Variants in ZNF362 observed in about 807,000 individuals in gnomAD.
The protein encoded by ZNF362 is zinc finger protein 362.
Under a neutral mutation model 42.9 loss-of-function variants are expected in ZNF362, and 11 were observed. That is an observed-to-expected ratio of 0.26 (90% CI 0.16 to 0.42). The LOEUF (loss-of-function observed/expected upper bound fraction) is 0.42. Among genes scored for constraint, ZNF362 ranks in the 20% least tolerant of loss-of-function variants. The pLI, the probability that ZNF362 is intolerant of heterozygous loss-of-function variation, is 1.00. For missense variants in ZNF362, 362 were observed against 576.2 expected (o/e 0.63, Z 3.81); for synonymous variants, 255 against 257.3 (o/e 0.99, Z 0.09).
chr1:33,196,736 T>G, the ZNF362 span, among the ~76,000 whole-genome samples: 47 of 152,234 alleles, frequency 3.1e-4, no homozygotes, highest in African/African-American at 1.1e-3. Flanking sequence ...GTACTGTACA[T>G]AATTGTATGT....
the ZNF362 span, chr1:33,181,553 G>A: frequency 3.5e-6 from 5 of 1,418,596 alleles, no homozygotes; most frequent in African/African-American, 7.5e-5. The surrounding 1 kb of genome is among the most constrained non-coding windows in gnomAD (Gnocchi z 6.5). Flanking sequence ...GGCAGGGGTA[G>A]GAGCTACCGG....
At chr1:33,293,463 C>T (rs1646094406) in intron 6 of ZNF362, among the ~76,000 whole-genome samples, 1 of 152,202 alleles carries the variant, frequency 6.6e-6, no homozygotes, top group Admixed American at 6.5e-5. Flanking sequence ...TTACTCAACC[C>T]TGTGTCTCTA....
In ZNF362 at chr1:33,276,584, C is replaced by T. The variant is rs539936028; in HGVS notation, c.339C>T (p.Ser113=). The T allele has an allele frequency of 1.5e-6, 2 of 1,369,408 alleles. No homozygotes were observed. Among genetic ancestry groups the T allele is most frequent in the East Asian group, 3.1e-5 (1 of 32,218 alleles). 84.8% of individuals were successfully genotyped at this position (1,369,408 alleles called of 1,614,324 possible). A position where few individuals can be genotyped will look rare whatever the true frequency, so the allele number is the denominator to read the frequency against. ...CGCTGCACGCACGGCCGGCCACCAG[C>T]ACCGTCACAGGTAGGCCGAGCGGGC... ...DVALHARPAT[S]TVTGLGLSTR... Residue 113 remains serine (S), a synonymous_variant, in exon 4 of 9, where the codon AGC becomes AGT. Coordinates refer to ENST00000539719, the MANE Select transcript of ZNF362 (RefSeq NM_152493.3).
chr1:33,157,550 T>C, the ZNF362 span, among the ~76,000 whole-genome samples: 1 of 152,120 alleles, frequency 6.6e-6, no homozygotes, highest in African/African-American at 2.4e-5. Context: ...TTTGTCTACT[T>C]TCTATCTCAC....
intron 8 of ZNF362, among the ~76,000 whole-genome samples, chr1:33,295,624 T>G (rs1646117604): frequency 6.6e-6 from 1 of 152,012 alleles, no homozygotes; most frequent in Non-Finnish European, 1.5e-5. Context: ...GAGAAGCGCC[T>G]TCCTGTCACC....
chr1:33,158,513 T>C, the ZNF362 span: 5 of 642,272 alleles, frequency 7.8e-6, no homozygotes, highest in Non-Finnish European at 1.4e-5. Flanking sequence ...AGTGCCTGCT[T>C]GTGCTGCTTC....
the ZNF362 span, among the ~76,000 whole-genome samples, chr1:33,236,634 T>C: frequency 6.9e-6 from 1 of 144,882 alleles, no homozygotes; most frequent in Non-Finnish European, 1.5e-5. Flanking sequence ...TAATTTATGT[T>C]GTAGTTTAGT....
chr1:33,193,531 T>A, the ZNF362 span, among the ~76,000 whole-genome samples: 1 of 152,198 alleles, frequency 6.6e-6, no homozygotes, highest in South Asian at 2.1e-4. Flanking sequence ...ATAACCTGGA[T>A]AATTCACATG....
At chr1:33,207,400 G>A in the ZNF362 span, among the ~76,000 whole-genome samples, 718 of 152,146 alleles carry the variant, frequency 4.7e-3, 7 homozygotes, top group African/African-American at 0.016. Flanking sequence ...GAATAATGCC[G>A]CAATAAACAT....
rs76055455 is a variant in ZNF362, at chr1:33,261,932, C to G, written c.-89+5278C>G. ...GCTCAATGGGACAGTTACTTCTTCT[C>G]TAGTGCAGAAGCTACCCCTGTACAA... On this transcript the variant is annotated intron_variant, in intron 1 of 8. Coordinates refer to ENST00000539719, the MANE Select transcript of ZNF362 (RefSeq NM_152493.3). Among the ~76,000 whole-genome samples the G allele has an allele frequency of 1.9e-3, 283 of 152,322 alleles. 3 individuals are homozygous for G. The highest frequency in any genetic ancestry group is 6.8e-3 in the Middle Eastern group (2 of 294).
chr1:33,165,421 C>A, the ZNF362 span: 1 of 1,507,828 alleles, frequency 6.6e-7, no homozygotes, highest in Non-Finnish European at 9.0e-7. This position sits in a 1 kb window ranked among gnomAD's most constrained non-coding sequence, Gnocchi z 4.0. Flanking sequence ...CCCCTCGAAG[C>A]CCTGCCCTCA....
In ZNF362 at chr1:33,266,578, A is replaced by C. The variant is rs1308304617; in HGVS notation, c.-88-3909A>C. 6.6e-6 allele frequency among the ~76,000 whole-genome samples: 1 copy of C among 152,176 alleles called. No homozygotes were observed. The highest frequency in any genetic ancestry group is 2.4e-5 in the African/African-American group (1 of 41,450). ...GAAGACCTGGGTGAGCTGTGGGGCT[A>C]TGTTGGGGTAGGGGTTGTAACTAAG... On this transcript the variant is annotated intron_variant, in intron 1 of 8. Coordinates refer to ENST00000539719, the MANE Select transcript of ZNF362 (RefSeq NM_152493.3). This position sits in a 1 kb window ranked among gnomAD's most constrained non-coding sequence, Gnocchi z 4.3.
intron 8 of ZNF362, among the ~76,000 whole-genome samples, chr1:33,298,096 T>C (rs920419964): frequency 2.0e-5 from 3 of 152,060 alleles, no homozygotes; most frequent in African/African-American, 4.8e-5. Flanking sequence ...GCAAAGGCGA[T>C]TGGAAGGATG....
chr1:33,243,325 C>T, the ZNF362 span, among the ~76,000 whole-genome samples: 1 of 151,658 alleles, frequency 6.6e-6, no homozygotes, highest in Non-Finnish European at 1.5e-5. Flanking sequence ...CAGGTGCACC[C>T]GCCGCACCAC....
At chr1:33,248,364 T>C in the ZNF362 span, among the ~76,000 whole-genome samples, 1 of 152,198 alleles carries the variant, frequency 6.6e-6, no homozygotes. Flanking sequence ...CTGCTGATGG[T>C]GACTGATGGT....
chr1:33,206,986 A>C, the ZNF362 span, among the ~76,000 whole-genome samples: 1 of 152,184 alleles, frequency 6.6e-6, no homozygotes, highest in Non-Finnish European at 1.5e-5. Flanking sequence ...GTTCTAGGGT[A>C]CATGTGTACA....
At chr1:33,146,916 G>T in the ZNF362 span, 1 of 512,672 alleles carries the variant, frequency 2.0e-6, no homozygotes. Context: ...GGCAGGGGTT[G>T]CCCTGAGGAG....
At chr1:33,188,435 G>A in the ZNF362 span, among the ~76,000 whole-genome samples, 1 of 152,180 alleles carries the variant, frequency 6.6e-6, no homozygotes, top group Admixed American at 6.5e-5. Context: ...ATGCTTTGAT[G>A]ATAAACTGCA....
chr1:33,250,558 G>C, the ZNF362 span, among the ~76,000 whole-genome samples: 3 of 152,110 alleles, frequency 2.0e-5, no homozygotes, highest in African/African-American at 7.2e-5. Context: ...GACACGTAGT[G>C]AGGGAGCAAC....
Sources: gnomAD v4.1 joint callset for allele counts (sites outside exome capture counted in the v4.1 genomes callset) on GRCh38, gnomAD v4.1.1 for gene constraint, Gnocchi (gnomAD v3.1) non-coding constraint, MANE v1.5 for transcripts, NCBI Gene and HGNC (gene_info 2026-07-23, HGNC 2026-07-21) for gene names.